SLC7A11: variants seen among roughly 807,000 people sequenced by gnomAD.
SLC7A11 encodes the protein solute carrier family 7 member 11.
A neutral mutation model predicts 54.5 loss-of-function variants in SLC7A11; 35 were observed. The observed-to-expected ratio is 0.64, with a 90% CI of 0.49 to 0.85. The LOEUF (loss-of-function observed/expected upper bound fraction) is 0.85, where lower values mean the gene tolerates loss of function less well. Among genes scored for constraint, SLC7A11 ranks in the 40% least tolerant of loss-of-function variants. The pLI is 0.00. For synonymous variants in SLC7A11, 230 were observed against 225.2 expected (o/e 1.02, Z -0.19); for missense variants, 583 against 618.1 (o/e 0.94, Z 0.60).
At chr4:138,211,049 C>T (rs1737532502) in intron 6 of SLC7A11, among the ~76,000 whole-genome samples, 1 of 151,850 alleles carries the variant, frequency 6.6e-6, no homozygotes, top group African/African-American at 2.4e-5. Context: ...TATACATGTA[C>T]TATGCAGCCA....
chr4:138,192,256 C>T (rs1187769454), intron 6 of SLC7A11, among the ~76,000 whole-genome samples: 1 of 152,106 alleles, frequency 6.6e-6, no homozygotes, highest in Non-Finnish European at 1.5e-5. Flanking sequence ...CTAGGAGGGG[C>T]AAGTGACTCA....
At chr4:138,182,541 G>C (rs1248820723) in intron 8 of SLC7A11, 148 bp from the exon 9 acceptor site, 1 of 592,124 alleles carries the variant, frequency 1.7e-6, no homozygotes, top group South Asian at 2.1e-5. Context: ...TTTCAAATAA[G>C]GTGGAGAAAT....
At chr4:138,209,823 G>A (rs1300321194) in intron 6 of SLC7A11, among the ~76,000 whole-genome samples, 1 of 152,012 alleles carries the variant, frequency 6.6e-6, no homozygotes, top group Non-Finnish European at 1.5e-5. Context: ...ACTGCCCAAA[G>A]CAATATACAG....
Position 138,223,197 on chromosome 4 carries a change from A to C in SLC7A11, c.646+2T>G. Reference sequence around the variant, plus strand: ...AAAAAGCATTTGCTTTTCAGTCCATACCTTTAATTAGCTGCATAACTCCAG... The same window carrying C: ...AAAAAGCATTTGCTTTTCAGTCCATCCCTTTAATTAGCTGCATAACTCCAG... On this transcript the variant is annotated splice_donor_variant, in intron 4 of 11. Transcript: ENST00000280612. LOFTEE classifies it high-confidence loss of function. 1 of 1,612,034 alleles carries C rather than the reference A, an allele frequency of 6.2e-7. No individual in the cohort carries two copies. The highest frequency in any genetic ancestry group is 8.5e-7 in the Non-Finnish European group (1 of 1,178,724).
chr4:138,216,497 T>C (rs996424762), intron 5 of SLC7A11, among the ~76,000 whole-genome samples: 35 of 152,164 alleles, frequency 2.3e-4, no homozygotes, highest in Non-Finnish European at 3.5e-4. Flanking sequence ...AACGCAGACA[T>C]TGGCAATGTT....
chr4:138,189,575 A>C (rs1259065242), intron 6 of SLC7A11, among the ~76,000 whole-genome samples: 1 of 152,108 alleles, frequency 6.6e-6, no homozygotes, highest in African/African-American at 2.4e-5. Context: ...GCTGACAAAC[A>C]TGTATTATAT....
At chr4:138,178,705 C>T (rs1022444446) in intron 11 of SLC7A11, among the ~76,000 whole-genome samples, 4 of 152,124 alleles carry the variant, frequency 2.6e-5, no homozygotes, top group African/African-American at 4.8e-5. Flanking sequence ...TGTGCACTCA[C>T]ATGTGGAAGC....
intron 6 of SLC7A11, among the ~76,000 whole-genome samples, chr4:138,193,865 G>A (rs1258711996): frequency 1.3e-5 from 2 of 152,060 alleles, no homozygotes; most frequent in East Asian, 1.9e-4. Context: ...GATTATATAG[G>A]TATGTATGCA....
intron 7 of SLC7A11, 90 bp from the exon 8 acceptor site, chr4:138,183,395 C>A: frequency 2.5e-6 from 2 of 792,764 alleles, no homozygotes; most frequent in Non-Finnish European, 4.3e-6. Context: ...CTATGACTTT[C>A]TATTAGCCTG....
chr4:138,225,170 AT>A (rs1240804045), intron 3 of SLC7A11, among the ~76,000 whole-genome samples: 2 of 143,394 alleles, frequency 1.4e-5, no homozygotes, highest in Non-Finnish European at 3.0e-5. Context: ...ATATATATAT[AT>A]AAATAAAATC....
rs1368940724 is a variant in SLC7A11 at position 138,229,214 on chromosome 4, CT to C, written c.520+3052del. Among the ~76,000 whole-genome samples, 6 of 152,302 alleles carry C rather than the reference CT, an allele frequency of 3.9e-5. No individual in the cohort carries two copies. The East Asian group carries it at 5.8e-4, about 15-fold the overall frequency. On this transcript the variant is annotated intron_variant, in intron 3 of 11. Coordinates refer to ENST00000280612, the MANE Select transcript of SLC7A11 (RefSeq NM_014331.4). ...CTACATCTTGGTTAACCTTCCACCC[CT>C]AACAGGTAGAAAATCACCTAGACTC...
At chr4:138,221,806 A>C (rs1162033168) in intron 4 of SLC7A11, among the ~76,000 whole-genome samples, 1 of 152,198 alleles carries the variant, frequency 6.6e-6, no homozygotes, top group Non-Finnish European at 1.5e-5. Context: ...CACCAAAAAG[A>C]AGAAGAAAAT....
At chr4:138,199,764 T>G (rs916727221) in intron 6 of SLC7A11, among the ~76,000 whole-genome samples, 4 of 152,134 alleles carry the variant, frequency 2.6e-5, no homozygotes, top group East Asian at 3.9e-4. Context: ...CACCTATGTA[T>G]TCAAACTGAA....
intron 4 of SLC7A11, among the ~76,000 whole-genome samples, chr4:138,221,689 TGC>T: frequency 6.6e-6 from 1 of 152,296 alleles, no homozygotes; most frequent in East Asian, 1.9e-4. Context: ...TCAAGGAATT[TGC>T]AATAGAGCAA....
intron 7 of SLC7A11, among the ~76,000 whole-genome samples, chr4:138,184,010 G>C (rs1409854209): frequency 2.0e-5 from 3 of 152,050 alleles, no homozygotes; most frequent in Admixed American, 2.0e-4. Flanking sequence ...CATGATATGT[G>C]CGATATTGCA....
At chr4:138,234,838 C>T (rs1189187807) in intron 2 of SLC7A11, among the ~76,000 whole-genome samples, 1 of 152,188 alleles carries the variant, frequency 6.6e-6, no homozygotes, top group East Asian at 1.9e-4. Flanking sequence ...CTGTATTAAG[C>T]TCCAAAGCCC....
chr4:138,205,772 T>C (rs1480133847), intron 6 of SLC7A11, among the ~76,000 whole-genome samples: 1 of 152,050 alleles, frequency 6.6e-6, no homozygotes. Flanking sequence ...AGGGGTGCTA[T>C]GTAAGTGTGG....
At position 138,242,194 on chromosome 4, in the gene SLC7A11, G is replaced by T; in HGVS notation, c.-125C>A. ...TCAGACTGTCTCTCTCAGCGCTATA[G>T]TGTTCACAGGTGAAAACTCAAAGGT... On this transcript the variant is annotated 5_prime_UTR_variant, in exon 1 of 12. Coordinates refer to ENST00000280612, the MANE Select transcript of SLC7A11 (RefSeq NM_014331.4). The T allele has an allele frequency of 9.1e-7, 1 of 1,096,200 alleles. No individual in the cohort carries two copies. Among genetic ancestry groups the T allele is most frequent in the Non-Finnish European group, 1.3e-6 (1 of 779,744 alleles). 67.9% of individuals were successfully genotyped at this position (1,096,200 alleles called of 1,614,324 possible). A position where few individuals can be genotyped will look rare whatever the true frequency, so the allele number is the denominator to read the frequency against.
intron 11 of SLC7A11, chr4:138,177,441 CTCTCTCTCTCTG>C (rs1736602785): frequency 6.6e-6 from 1 of 151,164 alleles, no homozygotes; most frequent in African/African-American, 2.4e-5. Flanking sequence ...CTCTCTCTCC[CTCTCTCTCTCTG>C]TCTCTCTCTT....
Sources: gnomAD v4.1 joint callset for allele counts (sites outside exome capture counted in the v4.1 genomes callset) on GRCh38, gnomAD v4.1.1 for gene constraint, MANE v1.5 for transcripts, NCBI Gene and HGNC (gene_info 2026-07-23, HGNC 2026-07-21) for gene names.